ALPK2: variants seen among roughly 807,000 people sequenced by gnomAD.
ALPK2 encodes alpha kinase 2, also known as alpha-protein kinase 2.
A neutral mutation model predicts 163.1 loss-of-function variants in ALPK2; 127 were observed. That is an observed-to-expected ratio of 0.78 (90% CI 0.67 to 0.90). The LOEUF (loss-of-function observed/expected upper bound fraction) is 0.90. Ranked by LOEUF, ALPK2 falls within the 40% of genes least tolerant of loss-of-function variation. The pLI is 0.00. For missense variants in ALPK2, 2,360 were observed against 2,589.6 expected (o/e 0.91, Z 1.92); for synonymous variants, 953 against 959.1 (o/e 0.99, Z 0.12).
intron 1 of ALPK2, among the ~76,000 whole-genome samples, chr18:58,620,707 AG>A (rs2144241241): frequency 6.6e-6 from 1 of 152,342 alleles, no homozygotes; most frequent in South Asian, 2.1e-4. Context: ...TTTTAAAAAT[AG>A]GAGCAAGGAG....
At chr18:58,494,640 G>T (rs1297332772) in intron 12 of ALPK2, among the ~76,000 whole-genome samples, 1 of 152,012 alleles carries the variant, frequency 6.6e-6, no homozygotes, top group Non-Finnish European at 1.5e-5. Flanking sequence ...AACCCTGCCA[G>T]GTACCAGCCC....
intron 3 of ALPK2, among the ~76,000 whole-genome samples, chr18:58,589,841 T>C (rs1301064186): frequency 6.6e-6 from 1 of 152,212 alleles, no homozygotes; most frequent in African/African-American, 2.4e-5. Context: ...TTAAAATTGC[T>C]GAAACTCAAA....
intron 12 of ALPK2, among the ~76,000 whole-genome samples, chr18:58,495,827 A>G (rs2086903940): frequency 6.6e-6 from 1 of 152,198 alleles, no homozygotes; most frequent in African/African-American, 2.4e-5. Context: ...GGCAAGCCGG[A>G]GTGTCCCCAT....
In ALPK2 at chr18:58,557,941, C is replaced by A. The variant is rs549814189; in HGVS notation, c.1963-19717G>T. On this transcript the variant is annotated intron_variant, in intron 4 of 12. Transcript: ENST00000361673. ...TGCAGCCTGGATGACAAAACGAGAT[C>A]CCGTCTCTAAAATATATAAAAATAA... 4.4e-4 allele frequency among the ~76,000 whole-genome samples: 67 copies of A among 152,180 alleles called. No individual in the cohort carries two copies. In the South Asian group the frequency reaches 0.013, roughly 30 times the overall value.
chr18:58,617,250 G>A (rs1027376111), intron 1 of ALPK2, among the ~76,000 whole-genome samples: 1 of 152,112 alleles, frequency 6.6e-6, no homozygotes, highest in African/African-American at 2.4e-5. Context: ...GCAATGGCAC[G>A]ATCTCAGCTC....
At chr18:58,588,380 A>T (rs2051997597) in intron 3 of ALPK2, among the ~76,000 whole-genome samples, 1 of 152,190 alleles carries the variant, frequency 6.6e-6, no homozygotes, top group African/African-American at 2.4e-5. Context: ...ACACGTCAAC[A>T]CAGTGAAAAG....
chr18:58,539,770 C>T (rs993661492), intron 4 of ALPK2, among the ~76,000 whole-genome samples: 1 of 152,178 alleles, frequency 6.6e-6, no homozygotes, highest in Non-Finnish European at 1.5e-5. Context: ...ATAAATCATA[C>T]ATGACAGTCA....
At chr18:58,561,531 G>A (rs2051825588) in intron 4 of ALPK2, among the ~76,000 whole-genome samples, 1 of 152,174 alleles carries the variant, frequency 6.6e-6, no homozygotes, top group Admixed American at 6.5e-5. Context: ...TTCAGGAGAT[G>A]ATCCCAGAAA....
At position 58,554,516 on chromosome 18, in the gene ALPK2, G is replaced by A. The variant is rs533456056; in HGVS notation, c.1963-16292C>T. 2.6e-5 allele frequency among the ~76,000 whole-genome samples: 4 copies of A among 152,336 alleles called. No homozygotes were observed. In the South Asian group the frequency reaches 8.3e-4, roughly 32 times the overall value. On this transcript the variant is annotated intron_variant, in intron 4 of 12. Coordinates refer to ENST00000361673, the MANE Select transcript of ALPK2 (RefSeq NM_052947.4). The stretch of plus-strand genomic sequence containing the variant: ...GCGGAGTGGGCACTGACCTGCAGGT[G>A]CTCCTCCTTCCACCCCATGGGGGAT...
chr18:58,519,312 A>G (rs2051537585), intron 8 of ALPK2, among the ~76,000 whole-genome samples: 1 of 152,228 alleles, frequency 6.6e-6, no homozygotes, highest in Non-Finnish European at 1.5e-5. Flanking sequence ...TTCTAGTTAT[A>G]TGATTAATTT....
intron 4 of ALPK2, chr18:58,543,372 T>A (rs971655902): frequency 1.0e-5 from 10 of 985,310 alleles, no homozygotes; most frequent in Non-Finnish European, 1.2e-5. Context: ...GCACCAGACC[T>A]CAGGCGGCTA....
In ALPK2 at chr18:58,537,327, CT is replaced by C. The variant is rs1305284554; in HGVS notation, c.2859del (p.Val954CysfsTer29). The C allele has an allele frequency of 1.2e-6, 2 of 1,614,118 alleles. No homozygotes were observed. The highest frequency in any genetic ancestry group is 1.7e-6 in the Non-Finnish European group (2 of 1,180,000). ...TTGTCACCTCCTTCTTTAAATTGCA[CT>C]AAAGGATTGTTCTCAGAAGAAAGGA... is the stretch of plus-strand genomic sequence containing the variant. ...TQLLSSENNP[L>X]VQFKEGGDKS... On this transcript the variant is annotated frameshift_variant, in exon 5 of 13. Coordinates refer to ENST00000361673, the MANE Select transcript of ALPK2 (RefSeq NM_052947.4). LOFTEE classifies it high-confidence loss of function.
intron 6 of ALPK2, among the ~76,000 whole-genome samples, chr18:58,525,380 A>G (rs372454402): frequency 3.9e-5 from 6 of 152,206 alleles, no homozygotes; most frequent in African/African-American, 1.4e-4. Flanking sequence ...TGGGCCACAG[A>G]GGAGGCTTGT....
intron 3 of ALPK2, among the ~76,000 whole-genome samples, chr18:58,584,209 G>C (rs987346703): frequency 1.3e-5 from 2 of 152,228 alleles, no homozygotes; most frequent in African/African-American, 2.4e-5. Flanking sequence ...AAGGGAACTG[G>C]ATTAAGTATA....
intron 4 of ALPK2, among the ~76,000 whole-genome samples, chr18:58,564,233 C>T (rs139567069): frequency 0.022 from 3,238 of 148,328 alleles, 60 homozygotes; most frequent in East Asian, 0.091. Flanking sequence ...AGCGATTCTC[C>T]TGCCTCAGCC....
rs1422248221 is a variant in ALPK2, at chr18:58,581,855, A to C, written c.228-1307T>G. Among the ~76,000 whole-genome samples, 3 of 152,198 alleles carry C rather than the reference A, an allele frequency of 2.0e-5. No individual in the cohort carries two copies. The East Asian group carries it at 5.8e-4, about 29-fold the overall frequency. ...ATTCACTGTTCTTTGTGTGAAATAC[A>C]CACAAATATCTAACCCAGGAAGGGT... On this transcript the variant is annotated intron_variant, in intron 3 of 12. Coordinates refer to ENST00000361673, the MANE Select transcript of ALPK2 (RefSeq NM_052947.4).
In ALPK2 at chr18:58,523,387, G is replaced by A. The variant is rs147164798; in HGVS notation, c.5665+419C>T. 5.7e-3 allele frequency among the ~76,000 whole-genome samples: 873 copies of A among 152,240 alleles called. 10 individuals are homozygous for A. Among genetic ancestry groups the A allele is most frequent in the African/African-American group, 0.019 (804 of 41,528 alleles). On this transcript the variant is annotated intron_variant, in intron 8 of 12. Coordinates refer to ENST00000361673, the MANE Select transcript of ALPK2 (RefSeq NM_052947.4). Reference sequence around the variant, plus strand: ...CCTCAATAAACATACGTGTGCATGTGTCTTTATAACAGCATGATCTATAGT... The same window carrying A: ...CCTCAATAAACATACGTGTGCATGTATCTTTATAACAGCATGATCTATAGT...
rs1285385938 is a variant in ALPK2, at chr18:58,579,628, C to T, written c.1148G>A (p.Cys383Tyr). The change falls in exon 4 of 13, where the codon TGT (cysteine) becomes TAT (tyrosine). Residue 383 changes from cysteine to tyrosine, a missense_variant. Transcript: ENST00000361673. ...GCEHFLSGMG[C>Y]GSRVSGDAGP... Reference sequence around the variant, plus strand: ...AGCGTCACCCGACACCCGAGACCCACAACCCATTCCACTGAGGAAATGCTC... The same window carrying T: ...AGCGTCACCCGACACCCGAGACCCATAACCCATTCCACTGAGGAAATGCTC... The T allele has an allele frequency of 3.1e-6, 5 of 1,614,084 alleles. No homozygotes were observed. The South Asian group carries it at 3.3e-5, about 11-fold the overall frequency.
At chr18:58,508,758 A>G (rs1405657354) in intron 10 of ALPK2, among the ~76,000 whole-genome samples, 1 of 152,184 alleles carries the variant, frequency 6.6e-6, no homozygotes. Context: ...TACTTTCTTA[A>G]TAAACAGGCT....
Sources: gnomAD v4.1 joint callset for allele counts (sites outside exome capture counted in the v4.1 genomes callset) on GRCh38, gnomAD v4.1.1 for gene constraint, MANE v1.5 for transcripts, NCBI Gene and HGNC (gene_info 2026-07-23, HGNC 2026-07-21) for gene names.